The following GABRB1 variants were observed in gnomAD, a reference collection of about 807,000 sequenced individuals.
GABRB1 encodes the protein gamma-aminobutyric acid receptor subunit beta-1.
A neutral mutation model predicts 51.6 loss-of-function variants in GABRB1; 17 were observed. That is an observed-to-expected ratio of 0.33 (90% CI 0.23 to 0.49). GABRB1 has a LOEUF of 0.49. GABRB1 is among the 20% of genes least tolerant of loss of function. The pLI, the probability that GABRB1 is intolerant of heterozygous loss-of-function variation, is 0.99. For synonymous variants in GABRB1, 247 were observed against 218.9 expected (o/e 1.13, Z -1.14); for missense variants, 410 against 600.6 (o/e 0.68, Z 3.32).
Position 47,306,776 on chromosome 4 carries a change from A to G in GABRB1, c.462-13351A>G, listed in dbSNP as rs145263921. ...GTTTGTTTTCCACACAACACTATGT[A>G]AGACATACCCATGTTCATACATGTA... On this transcript the variant is annotated intron_variant, in intron 4 of 8. Transcript: ENST00000295454. 6.6e-5 allele frequency among the ~76,000 whole-genome samples: 10 copies of G among 152,222 alleles called. No individual in the cohort carries two copies. The East Asian group carries it at 1.9e-3, about 29-fold the overall frequency.
chr4:47,208,934 G>A (rs568846399), intron 4 of GABRB1, among the ~76,000 whole-genome samples: 5 of 152,098 alleles, frequency 3.3e-5, no homozygotes, highest in Admixed American at 6.6e-5. Flanking sequence ...GGTACTATCC[G>A]TGTTATACTT....
At chr4:47,246,289 T>TAC (rs1258383556) in intron 4 of GABRB1, among the ~76,000 whole-genome samples, 11 of 95,470 alleles carry the variant, frequency 1.2e-4, no homozygotes, top group Non-Finnish European at 2.1e-4. Context: ...TATATATATA[T>TAC]ATATATATAT....
intron 4 of GABRB1, among the ~76,000 whole-genome samples, chr4:47,225,325 G>T (rs1487298744): frequency 6.6e-6 from 1 of 152,074 alleles, no homozygotes; most frequent in Non-Finnish European, 1.5e-5. Context: ...GAGGGGGCAG[G>T]GAGTGTAAAG....
chr4:47,420,393 G>A (rs1327161168), intron 8 of GABRB1, among the ~76,000 whole-genome samples: 3 of 152,140 alleles, frequency 2.0e-5, no homozygotes, highest in Non-Finnish European at 4.4e-5. Context: ...GGCACTGTGA[G>A]GAGTGGGGAA....
intron 1 of GABRB1, among the ~76,000 whole-genome samples, chr4:47,022,287 T>C (rs1420033469): frequency 1.3e-5 from 2 of 152,086 alleles, no homozygotes; most frequent in Non-Finnish European, 1.5e-5. Context: ...TTAGTCCTTT[T>C]ATGTCTAAAA....
At chr4:47,119,538 C>T (rs1157093188) in intron 3 of GABRB1, among the ~76,000 whole-genome samples, 69 of 143,168 alleles carry the variant, frequency 4.8e-4, no homozygotes, top group African/African-American at 1.7e-3. Context: ...GACTGAGTTT[C>T]GCTCTTGTTG....
At chr4:47,198,324 C>T (rs1719770506) in intron 4 of GABRB1, among the ~76,000 whole-genome samples, 1 of 152,086 alleles carries the variant, frequency 6.6e-6, no homozygotes, top group Admixed American at 6.6e-5. Flanking sequence ...TGTGCTAACA[C>T]CCAAAGATGG....
chr4:47,282,466 G>C (rs146872229), intron 4 of GABRB1, among the ~76,000 whole-genome samples: 1 of 152,052 alleles, frequency 6.6e-6, no homozygotes, highest in African/African-American at 2.4e-5. Flanking sequence ...TGCTCTTGAA[G>C]ATCACAACCA....
At chr4:47,046,702 GA>G (rs35878210) in intron 3 of GABRB1, among the ~76,000 whole-genome samples, 76,953 of 151,744 alleles carry the variant, frequency 0.51, 19,698 homozygotes, top group African/African-American at 0.54. Flanking sequence ...ATAGTATTAG[GA>G]AATCTGTAAC....
chr4:47,221,531 T>A (rs1040338712), intron 4 of GABRB1, among the ~76,000 whole-genome samples: 3 of 151,974 alleles, frequency 2.0e-5, no homozygotes, highest in African/African-American at 7.2e-5. Context: ...TAACTTCTCA[T>A]TGAAATAATA....
chr4:47,380,331 T>C lies in GABRB1; in HGVS notation c.545-22987T>C, dbSNP rs116447034. ...CAGCGGACTTTCAGTGATAAATATT[T>C]ATATGAAATTTATCAAAGAATTCCC... On this transcript the variant is annotated intron_variant, in intron 5 of 8. Transcript: ENST00000295454. 6.8e-3 allele frequency among the ~76,000 whole-genome samples: 1,042 copies of C among 152,306 alleles called. 11 individuals are homozygous for C. Among genetic ancestry groups the C allele is most frequent in the African/African-American group, 0.017 (717 of 41,578 alleles).
rs866743634 is a variant in GABRB1 at position 47,133,865 on chromosome 4, C to A, written c.241-27384C>A. ...TTATAAATTATAATTTTTCTTTCTG[C>A]GATTACTAAAGAATCCTTGACACTA... On this transcript the variant is annotated intron_variant, in intron 3 of 8. Coordinates refer to ENST00000295454, the MANE Select transcript of GABRB1 (RefSeq NM_000812.4). Among the ~76,000 whole-genome samples, 4 of 152,046 alleles carry A rather than the reference C, an allele frequency of 2.6e-5. No individual in the cohort carries two copies. In the South Asian group the frequency reaches 6.2e-4, roughly 24 times the overall value.
At chr4:47,402,433 G>A (rs543980744) in intron 5 of GABRB1, among the ~76,000 whole-genome samples, 1 of 150,170 alleles carries the variant, frequency 6.7e-6, no homozygotes, top group South Asian at 2.1e-4. Flanking sequence ...TCTCTAGCTG[G>A]TAGAGAAAAA....
At chr4:47,041,592 T>C (rs1560507567) in intron 3 of GABRB1, among the ~76,000 whole-genome samples, 1 of 152,124 alleles carries the variant, frequency 6.6e-6, no homozygotes, top group South Asian at 2.1e-4. Context: ...ATTTGAATGA[T>C]AGGGTTTATT....
intron 4 of GABRB1, among the ~76,000 whole-genome samples, chr4:47,273,111 C>T (rs184362334): frequency 7.2e-5 from 11 of 152,190 alleles, no homozygotes; most frequent in Non-Finnish European, 1.5e-4. Context: ...CCTTATGGTG[C>T]GTTGGCTTTA....
intron 4 of GABRB1, among the ~76,000 whole-genome samples, chr4:47,286,978 T>C (rs1378103327): frequency 2.0e-5 from 3 of 152,298 alleles, no homozygotes; most frequent in East Asian, 3.9e-4. Context: ...GTAAAACTCA[T>C]GGCTGGGGGA....
chr4:47,012,442 T>C (rs747746803), intron 1 of GABRB1, among the ~76,000 whole-genome samples: 1 of 152,074 alleles, frequency 6.6e-6, no homozygotes, highest in East Asian at 1.9e-4. Context: ...AGTGAGAACA[T>C]GTGGTATTTG....
In GABRB1 at chr4:47,172,684, C is replaced by T. The variant is rs1718492157; in HGVS notation, c.461+11215C>T. On this transcript the variant is annotated intron_variant, in intron 4 of 8. Transcript: ENST00000295454. Reference sequence around the variant, plus strand: ...TGAGATGGAGTCTTCCTATGTCGCCCAGGCTGAAGTGCAGTGGCACGGTCT... The same window carrying T: ...TGAGATGGAGTCTTCCTATGTCGCCTAGGCTGAAGTGCAGTGGCACGGTCT... Among the ~76,000 whole-genome samples, 3 of 123,490 alleles carry T rather than the reference C, an allele frequency of 2.4e-5. No individual in the cohort carries two copies. In the South Asian group the frequency reaches 7.9e-4, roughly 33 times the overall value. 81.0% of individuals were successfully genotyped at this position (123,490 alleles called of 152,430 possible).
intron 3 of GABRB1, among the ~76,000 whole-genome samples, chr4:47,051,032 GA>G (rs1002432853): frequency 1.3e-5 from 2 of 152,000 alleles, no homozygotes; most frequent in Admixed American, 6.6e-5. Context: ...GTTGGGTCAA[GA>G]AAAATGCCAT....
Sources: gnomAD v4.1 joint callset for allele counts (sites outside exome capture counted in the v4.1 genomes callset) on GRCh38, gnomAD v4.1.1 for gene constraint, MANE v1.5 for transcripts, NCBI Gene and HGNC (gene_info 2026-07-23, HGNC 2026-07-21) for gene names.